CYP2A13: variants seen among roughly 807,000 people sequenced by gnomAD.
CYP2A13 encodes the protein cytochrome P450 2A13.
CYP2A13 carries 30 observed loss-of-function variants against 39.4 expected under a neutral mutation model. The observed-to-expected ratio is 0.76, with a 90% CI of 0.57 to 1.03. The LOEUF (loss-of-function observed/expected upper bound fraction) is 1.03, where lower values mean the gene tolerates loss of function less well. Among genes scored for constraint, CYP2A13 ranks in the 50% least tolerant of loss-of-function variants. The pLI is 0.00. For missense variants in CYP2A13, 731 were observed against 648.4 expected (o/e 1.13, Z -1.38); for synonymous variants, 269 against 254.7 (o/e 1.06, Z -0.54).
In CYP2A13 at chr19:41,096,151, G is replaced by A; in HGVS notation, c.*210G>A. On this transcript the variant is annotated 3_prime_UTR_variant, in exon 9 of 9. Transcript: ENST00000330436. ...TGATGAGAGGAAGGGAAACCTTACA[G>A]TATGCTACAAAGAGTAGTAATAATA... The A allele has an allele frequency of 1.4e-6, 1 of 700,100 alleles. No homozygotes were observed. Among genetic ancestry groups the A allele is most frequent in the Non-Finnish European group, 2.4e-6 (1 of 418,340 alleles). The allele number at this position is 700,100 out of a possible 1,614,324, so 43.4% of individuals were successfully genotyped here.
intron 3 of CYP2A13, 92 bp downstream of exon 3, chr19:41,090,288 C>T (rs951722999): frequency 2.0e-5 from 31 of 1,573,218 alleles, no homozygotes; most frequent in African/African-American, 1.4e-4. Flanking sequence ...CACTTCCAGC[C>T]CTGGAGTCTG....
At chr19:41,089,873 G>T (rs966433946) in intron 2 of CYP2A13, among the ~76,000 whole-genome samples, 174 bp from the exon 3 acceptor site, 101 of 95,464 alleles carry the variant, frequency 1.1e-3, no homozygotes, top group African/African-American at 4.2e-3. Flanking sequence ...TCTCTCTCTC[G>T]TGCTCTCGTG....
At chr19:41,093,837 G>A (rs1441248072) in intron 6 of CYP2A13, 66 bp downstream of exon 6, 19 of 1,579,422 alleles carry the variant, frequency 1.2e-5, no homozygotes, top group East Asian at 4.5e-5. Context: ...GCCTGGTGCA[G>A]TGTACCCACC....
intron 5 of CYP2A13, among the ~76,000 whole-genome samples, chr19:41,092,140 AC>A (rs1237524824): frequency 6.6e-6 from 1 of 151,536 alleles, no homozygotes; most frequent in Non-Finnish European, 1.5e-5. Flanking sequence ...ACATGGTGAA[AC>A]CCCGTCTCTA....
At chr19:41,089,871 T>G (rs554119847) in intron 2 of CYP2A13, among the ~76,000 whole-genome samples, 176 bp from the exon 3 acceptor site, 17 of 112,890 alleles carry the variant, frequency 1.5e-4, no homozygotes, top group African/African-American at 5.6e-4. Context: ...TCTCTCTCTC[T>G]CGTGCTCTCG....
intron 5 of CYP2A13, among the ~76,000 whole-genome samples, chr19:41,093,088 C>T (rs1421244111): frequency 6.6e-6 from 1 of 151,924 alleles, no homozygotes; most frequent in African/African-American, 2.4e-5. Context: ...GCCTGCGGTC[C>T]CAGCTACTAA....
chr19:41,089,868 CT>C (rs1368667172), intron 2 of CYP2A13, among the ~76,000 whole-genome samples, 178 bp from the exon 3 acceptor site: 2 of 91,922 alleles, frequency 2.2e-5, no homozygotes, highest in African/African-American at 8.4e-5. Context: ...CTCTCTCTCT[CT>C]CTCGTGCTCT....
At chr19:41,093,384 A>G (rs766631147) in intron 5 of CYP2A13, among the ~76,000 whole-genome samples, 2 of 151,982 alleles carry the variant, frequency 1.3e-5, no homozygotes, top group Admixed American at 6.6e-5. Flanking sequence ...AAAAAAACCA[A>G]CTGACAGCTA....
intron 7 of CYP2A13, 78 bp downstream of exon 7, chr19:41,094,510 C>T (rs1226979518): frequency 6.5e-7 from 1 of 1,543,124 alleles, no homozygotes; most frequent in African/African-American, 1.4e-5. Context: ...AATCCTGCCC[C>T]CATTAGTGTT....
In CYP2A13 at chr19:41,094,276, C is replaced by T. The variant is rs367546841; in HGVS notation, c.1005C>T (p.Ile335=). The T allele has an allele frequency of 9.9e-6, 16 of 1,614,068 alleles. No individual in the cohort carries two copies. The highest frequency in any genetic ancestry group is 4.0e-5 in the African/African-American group (3 of 75,012). Residue 335 remains isoleucine, a synonymous_variant, in exon 7 of 9, where the codon ATC becomes ATT. Transcript: ENST00000330436. ...TCCATGAGGAGATTGACAGAGTGAT[C>T]GGCAAGAACCGGCAGCCCAAGTTTG... The part of the protein sequence containing the change: ...AKVHEEIDRV[I]GKNRQPKFED...
At chr19:41,094,768 T>G (rs545316854) in intron 7 of CYP2A13, among the ~76,000 whole-genome samples, 191 bp from the exon 8 acceptor site, 1 of 152,182 alleles carries the variant, frequency 6.6e-6, no homozygotes, top group East Asian at 1.9e-4. Flanking sequence ...ATGGACCCCA[T>G]GTCTCCCAAA....
intron 4 of CYP2A13, 36 bp from the exon 5 acceptor site, chr19:41,091,696 T>G (rs570137226): frequency 1.2e-5 from 20 of 1,609,760 alleles, no homozygotes; most frequent in Non-Finnish European, 1.5e-5. Context: ...CCGTGACAGC[T>G]GTCCTTCCCT....
chr19:41,095,842 C>T lies in CYP2A13; in HGVS notation c.1386C>T (p.Phe462=). The T allele has an allele frequency of 2.5e-6, 4 of 1,614,116 alleles. No individual in the cohort carries two copies. Among genetic ancestry groups the T allele is most frequent in the South Asian group, 1.1e-5 (1 of 91,080 alleles). The part of the protein sequence containing the change: ...FFTTIMQNFR[F]KSPQSPKDID... ...CCACCATCATGCAGAACTTTCGCTT[C>T]AAGTCCCCTCAGTCGCCTAAGGATA... Residue 462 remains phenylalanine (F), a synonymous_variant, in exon 9 of 9, where the codon TTC becomes TTT. Transcript: ENST00000330436.
rs562887133 is a variant in CYP2A13 at position 41,093,719 on chromosome 19, C to T, written c.921C>T (p.Ser307=). The T allele has an allele frequency of 2.5e-6, 4 of 1,614,098 alleles. No homozygotes were observed. The East Asian group carries it at 6.7e-5, about 27-fold the overall frequency. Residue 307 remains serine (S), a synonymous_variant, in exon 6 of 9, where the codon AGC becomes AGT. Transcript: ENST00000330436. The part of the protein sequence containing the change: ...NLFFAGTETV[S]TTLRYGFLLL... ...TCTTTGCGGGCACTGAGACCGTGAG[C>T]ACCACCCTGCGCTACGGTTTCCTGC...
rs1240385455 is a variant in CYP2A13 at position 41,090,255 on chromosome 19, G to C, written c.493+59G>C. ...CCCGCGCTTTCTGCCTGGGGATGGG[G>C]ACTAGGTGGGGAAAGGGGCCCGCAC... On this transcript the variant is annotated intron_variant, in intron 3 of 8. Transcript: ENST00000330436. The C allele has an allele frequency of 5.1e-6, 8 of 1,557,606 alleles. No homozygotes were observed. The Admixed American group carries it at 7.4e-5, about 14-fold the overall frequency.
At position 41,090,415 on chromosome 19, in the gene CYP2A13, G is replaced by C. The variant is rs755034168; in HGVS notation, c.505G>C (p.Asp169His). ...ALRGTHGANI[D>H]PTFFLSRTVS... The stretch of plus-strand genomic sequence containing the variant: ...CGCCACACCTGCAGGCGCCAATATC[G>C]ATCCCACCTTCTTCCTGAGCCGCAC... The change falls in exon 4 of 9, where the codon GAT becomes CAT. Residue 169 changes from aspartate to histidine, a missense_variant. Physicochemically the swap from Asp to His is moderately conservative, Grantham distance 81. Coordinates refer to ENST00000330436, the MANE Select transcript of CYP2A13 (RefSeq NM_000766.5). 2.5e-6 allele frequency: 4 copies of C among 1,613,978 alleles called. No homozygotes were observed. The highest frequency in any genetic ancestry group is 3.4e-6 in the Non-Finnish European group (4 of 1,180,018).
At position 41,091,599 on chromosome 19, in the gene CYP2A13, C is replaced by G. The variant is rs757135710; in HGVS notation, c.655-133C>G. The G allele has an allele frequency of 5.8e-6, 8 of 1,382,944 alleles. No individual in the cohort carries two copies. In the Admixed American group the frequency reaches 2.2e-4, roughly 38 times the overall value. The allele number at this position is 1,382,944 out of a possible 1,614,324, so 85.7% of individuals were successfully genotyped here. A position where few individuals can be genotyped will look rare whatever the true frequency, so the allele number is the denominator to read the frequency against. On this transcript the variant is annotated intron_variant, in intron 4 of 8. Coordinates refer to ENST00000330436, the MANE Select transcript of CYP2A13 (RefSeq NM_000766.5). ...AGATATAAGTTTCCATCCAACCCCA[C>G]TGAAATACCTAAACACCTGGACAGA... is the stretch of plus-strand genomic sequence containing the variant.
Position 41,096,066 on chromosome 19 carries a change from T to G in CYP2A13, c.*125T>G. 218 of 1,394,172 alleles carry G rather than the reference T, an allele frequency of 1.6e-4. No homozygotes were observed. The highest frequency in any genetic ancestry group is 2.6e-4 in the Middle Eastern group (1 of 3,912). The allele number at this position is 1,394,172 out of a possible 1,614,324, so 86.4% of individuals were successfully genotyped here. On this transcript the variant is annotated 3_prime_UTR_variant, in exon 9 of 9. Transcript: ENST00000330436. ...TGGGGGAAGGAAGGGGAGAGGTGGT[T>G]AGAGGGAACAGAAGAAACAGAAGGG...
chr19:41,088,802 C>T, intron 1 of CYP2A13, 127 bp from the exon 2 acceptor site: 1 of 1,541,968 alleles, frequency 6.5e-7, no homozygotes, highest in Non-Finnish European at 8.8e-7. Flanking sequence ...AAGACAGGAT[C>T]TTGGGATGTC....
Sources: gnomAD v4.1 joint callset for allele counts (sites outside exome capture counted in the v4.1 genomes callset) on GRCh38, gnomAD v4.1.1 for gene constraint, MANE v1.5 for transcripts, NCBI Gene and HGNC (gene_info 2026-07-23, HGNC 2026-07-21) for gene names.